LIPI: variants seen among roughly 807,000 people sequenced by gnomAD.
The protein encoded by LIPI is lipase I.
LIPI carries 59 observed loss-of-function variants against 50.6 expected under a neutral mutation model. The ratio of observed to expected loss-of-function variants is 1.16; its 90% confidence interval spans 0.94 to 1.45. LIPI has a LOEUF of 1.45. LIPI is among the 40% of genes most tolerant of loss of function. The probability of loss-of-function intolerance (pLI) is 0.00; values close to 1 mark genes in which losing one functional copy is unlikely to be tolerated. For missense variants in LIPI, 586 were observed against 536.3 expected, an observed-to-expected ratio of 1.09 and a Z score of -0.92; for synonymous variants, 203 against 178.2, an observed-to-expected ratio of 1.14 and a Z score of -1.11.
intron 7 of LIPI, among the ~76,000 whole-genome samples, chr21:14,161,793 TATTATATATTAATGTATAATATATACA>T (rs2018497205): frequency 2.4e-5 from 1 of 40,982 alleles, no homozygotes; most frequent in African/African-American, 1.4e-4. Context: ...ATATATACAT[TATTATATATTAATGTATAATATATACA>T]AATATATATT....
Position 14,198,923 on chromosome 21 carries a change from T to G in LIPI, c.47-9504A>C, listed in dbSNP as rs2019955550. On this transcript the variant is annotated intron_variant, in intron 1 of 9. Transcript: ENST00000681601. The stretch of plus-strand genomic sequence containing the variant: ...TAACAAAAAGTCTCTCATACCACAG[T>G]GTAATCAAATTAGAAATTAACACTA... Among the ~76,000 whole-genome samples, 4 of 152,020 alleles carry G rather than the reference T, an allele frequency of 2.6e-5. No individual in the cohort carries two copies. The South Asian group carries it at 8.3e-4, about 32-fold the overall frequency.
At chr21:14,164,099 A>T (rs1229526003) in intron 6 of LIPI, among the ~76,000 whole-genome samples, 1 of 151,086 alleles carries the variant, frequency 6.6e-6, no homozygotes. Flanking sequence ...ATATATTGAT[A>T]AAAATTACTT....
intron 1 of LIPI, among the ~76,000 whole-genome samples, chr21:14,193,229 C>T (rs151219199): frequency 2.6e-4 from 39 of 151,878 alleles, no homozygotes; most frequent in African/African-American, 8.4e-4. Flanking sequence ...AAAAAGAAAA[C>T]ATCTATAGAA....
At position 14,196,127 on chromosome 21, in the gene LIPI, T is replaced by TC. The variant is rs930788352; in HGVS notation, c.47-6709_47-6708insG. 7.1e-3 allele frequency among the ~76,000 whole-genome samples: 3 copies of TC among 420 alleles called. No individual in the cohort carries two copies. In the Non-Finnish European group the frequency reaches 0.083, roughly 12 times the overall value. 0.3% of individuals were successfully genotyped at this position (420 alleles called of 152,430 possible). On this transcript the variant is annotated intron_variant, in intron 1 of 9. Transcript: ENST00000681601. ...TTACCACATTTACGAGTTCGTAGCG[T>TC]TTTTTTTTTTTACATGACACCAAAT...
At chr21:14,207,900 A>G (rs2020268214) in intron 1 of LIPI, among the ~76,000 whole-genome samples, 1 of 152,226 alleles carries the variant, frequency 6.6e-6, no homozygotes, top group Non-Finnish European at 1.5e-5. Context: ...GTGAGATAGT[A>G]TTACAGCTAT....
intron 9 of LIPI, among the ~76,000 whole-genome samples, chr21:14,119,617 G>T (rs1373788085): frequency 6.6e-6 from 1 of 152,186 alleles, no homozygotes; most frequent in Non-Finnish European, 1.5e-5. Flanking sequence ...TTGGGGAAAA[G>T]AACAGGATAT....
chr21:14,166,117 G>A (rs1048278711), intron 5 of LIPI, among the ~76,000 whole-genome samples: 4 of 152,102 alleles, frequency 2.6e-5, no homozygotes, highest in Admixed American at 1.3e-4. Flanking sequence ...TGTTTAAAAT[G>A]ATGGAATAAA....
chr21:14,165,618 TA>T (rs2018655364), intron 5 of LIPI, among the ~76,000 whole-genome samples: 2 of 152,160 alleles, frequency 1.3e-5, no homozygotes, highest in East Asian at 1.9e-4. Context: ...AAGTAATAAT[TA>T]ACATAGCAAA....
chr21:14,204,290 T>A (rs541229663), intron 1 of LIPI, among the ~76,000 whole-genome samples: 68 of 150,980 alleles, frequency 4.5e-4, no homozygotes, highest in African/African-American at 7.8e-4. Context: ...GTCTTTTTTT[T>A]AAAAAAGAGG....
At chr21:14,152,322 C>T (rs574367424) in intron 8 of LIPI, among the ~76,000 whole-genome samples, 54 of 151,998 alleles carry the variant, frequency 3.6e-4, no homozygotes, top group African/African-American at 1.2e-3. Flanking sequence ...GGATGGTCTC[C>T]ATCTCCTGAT....
chr21:14,203,150 G>C (rs2020117841), intron 1 of LIPI, among the ~76,000 whole-genome samples: 1 of 152,194 alleles, frequency 6.6e-6, no homozygotes, highest in African/African-American at 2.4e-5. Flanking sequence ...TCTCACACCA[G>C]CTAGAATGGT....
intron 9 of LIPI, among the ~76,000 whole-genome samples, chr21:14,112,753 C>T (rs902975557): frequency 6.6e-6 from 1 of 151,770 alleles, no homozygotes; most frequent in Non-Finnish European, 1.5e-5. Context: ...CTTTTCTCAC[C>T]AGGCAATATA....
Position 14,181,875 on chromosome 21 carries a change from G to T in LIPI, c.542-16C>A, listed in dbSNP as rs768407499. On this transcript the variant is annotated splice_polypyrimidine_tract_variant and intron_variant, in intron 3 of 9. Coordinates refer to ENST00000681601, the MANE Select transcript of LIPI (RefSeq NM_001302998.2). ...GGGTCAAGACCTGGAAAGCAAGAAA[G>T]AAATAATCAGTCTCATCAAGTCCAC... The T allele has an allele frequency of 1.1e-5, 16 of 1,421,588 alleles. No individual in the cohort carries two copies. The highest frequency in any genetic ancestry group is 1.5e-5 in the Non-Finnish European group (15 of 1,006,418). 88.1% of individuals were successfully genotyped at this position (1,421,588 alleles called of 1,614,324 possible). A position where few individuals can be genotyped will look rare whatever the true frequency, so the allele number is the denominator to read the frequency against.
chr21:14,201,635 AC>A (rs1371214267), intron 1 of LIPI, among the ~76,000 whole-genome samples: 2 of 152,026 alleles, frequency 1.3e-5, no homozygotes, highest in African/African-American at 2.4e-5. Flanking sequence ...AAATTCAACA[AC>A]CCTTCATGCT....
chr21:14,148,596 G>T (rs368685389), intron 8 of LIPI, among the ~76,000 whole-genome samples: 3 of 152,220 alleles, frequency 2.0e-5, no homozygotes, highest in East Asian at 3.9e-4. Context: ...ACCGTAGCAT[G>T]CTGTACAGGT....
At chr21:14,151,177 G>T (rs945759224) in intron 8 of LIPI, among the ~76,000 whole-genome samples, 2 of 152,074 alleles carry the variant, frequency 1.3e-5, no homozygotes, top group Non-Finnish European at 2.9e-5. Context: ...ATGTTTGAAA[G>T]GTTTACCTAC....
At chr21:14,138,530 TTTA>T (rs2017590398) in intron 9 of LIPI, among the ~76,000 whole-genome samples, 1 of 151,988 alleles carries the variant, frequency 6.6e-6, no homozygotes, top group Non-Finnish European at 1.5e-5. Flanking sequence ...CCATATAAAT[TTTA>T]TTAATTTTTT....
chr21:14,210,087 A>C (rs945644980), intron 1 of LIPI, among the ~76,000 whole-genome samples: 10 of 152,024 alleles, frequency 6.6e-5, no homozygotes, highest in African/African-American at 2.4e-4. Flanking sequence ...TTAAAACATA[A>C]AGGAAATAAT....
At chr21:14,187,353 C>T (rs2019491852) in intron 2 of LIPI, among the ~76,000 whole-genome samples, 1 of 152,056 alleles carries the variant, frequency 6.6e-6, no homozygotes, top group Non-Finnish European at 1.5e-5. Flanking sequence ...GAGCGCTTGC[C>T]ACTAATGAAA....
Sources: gnomAD v4.1 joint callset for allele counts (sites outside exome capture counted in the v4.1 genomes callset) on GRCh38, gnomAD v4.1.1 for gene constraint, MANE v1.5 for transcripts, NCBI Gene and HGNC (gene_info 2026-07-23, HGNC 2026-07-21) for gene names.